The following LSM4 variants were observed in gnomAD, a reference collection of about 807,000 sequenced individuals.
LSM4 encodes LSM4 homolog, U6 small nuclear RNA and mRNA degradation associated.
A neutral mutation model predicts 22.3 loss-of-function variants in LSM4; 15 were observed. The observed-to-expected ratio is 0.67, with a 90% CI of 0.45 to 1.03. The LOEUF is 1.03. Ranked by LOEUF, LSM4 falls within the 50% of genes least tolerant of loss-of-function variation. The probability of loss-of-function intolerance (pLI) is 0.00; values close to 1 mark genes in which losing one functional copy is unlikely to be tolerated. For synonymous variants in LSM4, 90 were observed against 79.8 expected, an observed-to-expected ratio of 1.13 and a Z score of -0.68; for missense variants, 127 against 198.0, an observed-to-expected ratio of 0.64 and a Z score of 2.15.
intron 2 of LSM4, among the ~76,000 whole-genome samples, chr19:18,315,187 AT>A (rs1293058417): frequency 6.6e-6 from 1 of 151,264 alleles, no homozygotes; most frequent in Non-Finnish European, 1.5e-5. Context: ...CAATATTATC[AT>A]TTTTTGGAGA....
intron 1 of LSM4, among the ~76,000 whole-genome samples, chr19:18,316,721 A>T (rs1225206094): frequency 6.6e-6 from 1 of 151,936 alleles, no homozygotes; most frequent in Non-Finnish European, 1.5e-5. Context: ...CTGAGTATGG[A>T]GTTGAGGACA....
chr19:18,316,290 T>G, intron 1 of LSM4: 6 of 406,766 alleles, frequency 1.5e-5, no homozygotes, highest in Admixed American at 8.1e-5. Context: ...CCCTCCCTAC[T>G]CCCGTAGGTG....
Position 18,312,591 on chromosome 19 carries a change from G to A in LSM4, c.144+13C>T. On this transcript the variant is annotated intron_variant, in intron 3 of 4. Coordinates refer to ENST00000593829, the MANE Select transcript of LSM4 (RefSeq NM_012321.5). The stretch of plus-strand genomic sequence containing the variant: ...CCCTGCATCCCACCCCCGTTGGTGG[G>A]TGCAGCACCCACCCTGGACGTGCAG... 6.2e-7 allele frequency: 1 copy of A among 1,611,362 alleles called. No homozygotes were observed. Among genetic ancestry groups the A allele is most frequent in the Non-Finnish European group, 8.5e-7 (1 of 1,177,622 alleles).
In LSM4 at chr19:18,307,459, G is replaced by A; in HGVS notation, c.*5C>T. Reference sequence around the variant, plus strand: ...GGGGGCGCAGCAGCCGGTCTGGGTGGGCGCTCACTGTTTGCCCGCCTGTCT... The same window carrying A: ...GGGGGCGCAGCAGCCGGTCTGGGTGAGCGCTCACTGTTTGCCCGCCTGTCT... On this transcript the variant is annotated 3_prime_UTR_variant, in exon 5 of 5. Coordinates refer to ENST00000593829, the MANE Select transcript of LSM4 (RefSeq NM_012321.5). The A allele has an allele frequency of 6.5e-7, 1 of 1,533,268 alleles. No individual in the cohort carries two copies. Among genetic ancestry groups the A allele is most frequent in the Middle Eastern group, 1.9e-4 (1 of 5,182 alleles). The allele number at this position is 1,533,268 out of a possible 1,614,324, so 95.0% of individuals were successfully genotyped here. A position where few individuals can be genotyped will look rare whatever the true frequency, so the allele number is the denominator to read the frequency against.
At chr19:18,314,140 C>G (rs1970326632) in intron 2 of LSM4, among the ~76,000 whole-genome samples, 1 of 152,098 alleles carries the variant, frequency 6.6e-6, no homozygotes. Context: ...CACAGGCAAC[C>G]ATACAAAAAT....
intron 2 of LSM4, among the ~76,000 whole-genome samples, chr19:18,313,494 G>A (rs1327117552): frequency 6.6e-6 from 1 of 152,194 alleles, no homozygotes; most frequent in Non-Finnish European, 1.5e-5. Flanking sequence ...CTGAGGATAT[G>A]CTGCTGTTAG....
At chr19:18,317,318 C>T (rs1049656166) in intron 1 of LSM4, among the ~76,000 whole-genome samples, 1 of 148,538 alleles carries the variant, frequency 6.7e-6, no homozygotes, top group African/African-American at 2.5e-5. Flanking sequence ...CATCACCCCC[C>T]GCCTGAACTG....
At chr19:18,320,773 G>C (rs1970417005) in intron 1 of LSM4, among the ~76,000 whole-genome samples, 1 of 152,116 alleles carries the variant, frequency 6.6e-6, no homozygotes, top group South Asian at 2.1e-4. Flanking sequence ...TTCAGCCTGG[G>C]CGACAGAACA....
Position 18,307,470 on chromosome 19 carries a change from T to C in LSM4, c.414A>G (p.Lys138=). The C allele has an allele frequency of 6.5e-7, 1 of 1,541,448 alleles. No homozygotes were observed. Among genetic ancestry groups the C allele is most frequent in the East Asian group, 2.5e-5 (1 of 39,878 alleles). Residue 138 remains lysine (K), a synonymous_variant, in exon 5 of 5, where the codon AAA becomes AAG. Transcript: ENST00000593829. ...PEKKPGRQAG[K]Q Reference sequence around the variant, plus strand: ...AGCCGGTCTGGGTGGGCGCTCACTGTTTGCCCGCCTGTCTGCCAGGCTTCT... The same window carrying C: ...AGCCGGTCTGGGTGGGCGCTCACTGCTTGCCCGCCTGTCTGCCAGGCTTCT...
intron 1 of LSM4, among the ~76,000 whole-genome samples, chr19:18,322,645 T>C (rs1970436935): frequency 6.6e-6 from 1 of 151,914 alleles, no homozygotes; most frequent in South Asian, 2.1e-4. Flanking sequence ...TAGTTTTCAA[T>C]CAGGGAGGTC....
chr19:18,320,833 G>C (rs1411684053), intron 1 of LSM4, among the ~76,000 whole-genome samples: 1 of 152,080 alleles, frequency 6.6e-6, no homozygotes, highest in African/African-American at 2.4e-5. Flanking sequence ...AAGAAAAAAA[G>C]TGCCAAGTGT....
chr19:18,314,937 T>C (rs978801740), intron 2 of LSM4, among the ~76,000 whole-genome samples: 2 of 151,814 alleles, frequency 1.3e-5, no homozygotes, highest in African/African-American at 4.8e-5. Context: ...CAGGCTGGAG[T>C]GCAGTGGCGC....
intron 4 of LSM4, 73 bp downstream of exon 4, chr19:18,309,605 C>G: frequency 6.8e-7 from 1 of 1,480,864 alleles, no homozygotes; most frequent in Non-Finnish European, 9.0e-7. Context: ...GCAAGGGCAA[C>G]CCCAAGAAGG....
In LSM4 at chr19:18,311,573, C is replaced by T. The variant is rs569997781; in HGVS notation, c.144+1031G>A. Among the ~76,000 whole-genome samples, 31 of 152,302 alleles carry T rather than the reference C, an allele frequency of 2.0e-4. 1 individual carries two copies. Among genetic ancestry groups the T allele is most frequent in the East Asian group, 1.9e-3 (10 of 5,174 alleles). On this transcript the variant is annotated intron_variant, in intron 3 of 4. Coordinates refer to ENST00000593829, the MANE Select transcript of LSM4 (RefSeq NM_012321.5). ...GCAACACGCCTGGTGATTCCAATAC[C>T]GGAAGTGGACAGAGCCCCGCTGGCC...
At position 18,312,609 on chromosome 19, in the gene LSM4, A is replaced by T; in HGVS notation, c.139T>A (p.Ser47Thr). The T allele has an allele frequency of 6.2e-7, 1 of 1,611,194 alleles. No homozygotes were observed. Among genetic ancestry groups the T allele is most frequent in the Non-Finnish European group, 8.5e-7 (1 of 1,178,212 alleles). Reference sequence around the variant, plus strand: ...TTGGTGGGTGCAGCACCCACCCTGGACGTGCAGATGACTTCTCGCAGGTTA... The same window carrying T: ...TTGGTGGGTGCAGCACCCACCCTGGTCGTGCAGATGACTTCTCGCAGGTTA... ...NINLREVICT[S>T]RDGDKFWRMP... Residue 47 changes from serine (S) to threonine (T), a missense_variant, in exon 3 of 5, where the codon TCC becomes ACC. Coordinates refer to ENST00000593829, the MANE Select transcript of LSM4 (RefSeq NM_012321.5).
rs1970441423 is a variant in LSM4, at chr19:18,322,943, A to G, written c.3+75T>C. 4 of 1,567,744 alleles carry G rather than the reference A, an allele frequency of 2.6e-6. No homozygotes were observed. In the Admixed American group the frequency reaches 5.4e-5, roughly 21 times the overall value. ...TTCGCCCCGCGCCAACCAAGCCCAC[A>G]GCGCCCGCCCGCAGGGATCCCAACG... On this transcript the variant is annotated intron_variant, in intron 1 of 4. Coordinates refer to ENST00000593829, the MANE Select transcript of LSM4 (RefSeq NM_012321.5).
intron 2 of LSM4, among the ~76,000 whole-genome samples, chr19:18,313,549 G>A (rs1970320845): frequency 6.6e-6 from 1 of 152,234 alleles, no homozygotes; most frequent in Admixed American, 6.5e-5. Flanking sequence ...ACAGGGTCTT[G>A]CTCTGTTGCC....
At chr19:18,307,595 G>A in intron 4 of LSM4, 40 bp from the exon 5 acceptor site, 1 of 1,400,554 alleles carries the variant, frequency 7.1e-7, no homozygotes, top group Non-Finnish European at 9.5e-7. Context: ...GAGCCAGGTG[G>A]GTGGGACCTT....
At chr19:18,317,172 C>A (rs1371944989) in intron 1 of LSM4, among the ~76,000 whole-genome samples, 1 of 151,748 alleles carries the variant, frequency 6.6e-6, no homozygotes, top group African/African-American at 2.4e-5. Context: ...TAGGGGTGCA[C>A]CACCATGCCC....
Sources: gnomAD v4.1 joint callset for allele counts (sites outside exome capture counted in the v4.1 genomes callset) on GRCh38, gnomAD v4.1.1 for gene constraint, MANE v1.5 for transcripts, NCBI Gene and HGNC (gene_info 2026-07-23, HGNC 2026-07-21) for gene names.